The following EBF1 variants were observed in gnomAD, a reference collection of about 807,000 sequenced individuals.
EBF1 encodes transcription factor COE1.
A neutral mutation model predicts 68.4 loss-of-function variants in EBF1; 10 were observed. The ratio of observed to expected loss-of-function variants is 0.15; its 90% CI spans 0.09 to 0.25. EBF1 has a LOEUF of 0.25. EBF1 is among the 10% of genes least tolerant of loss of function. EBF1 has a pLI of 1.00. For missense variants in EBF1, 509 were observed against 794.4 expected (o/e 0.64, Z 4.32); for synonymous variants, 298 against 299.8 (o/e 0.99, Z 0.06).
At chr5:158,836,550 A>C (rs1788848332) in intron 7 of EBF1, among the ~76,000 whole-genome samples, 1 of 152,228 alleles carries the variant, frequency 6.6e-6, no homozygotes, top group African/African-American at 2.4e-5. Context: ...AGAAAAAATA[A>C]AAGGTTGGGT....
At chr5:158,829,283 C>T (rs978939796) in intron 7 of EBF1, among the ~76,000 whole-genome samples, 1 of 151,946 alleles carries the variant, frequency 6.6e-6, no homozygotes, top group Non-Finnish European at 1.5e-5. Flanking sequence ...CTCAACTGGT[C>T]CTCCCACCTC....
intron 10 of EBF1, among the ~76,000 whole-genome samples, chr5:158,746,053 T>C (rs1053577546): frequency 1.3e-5 from 2 of 152,198 alleles, no homozygotes; most frequent in African/African-American, 4.8e-5. Flanking sequence ...AAGTTTTTAT[T>C]ACTACTGCTT....
chr5:158,775,770 ACACATG>A (rs1248583398), intron 10 of EBF1, among the ~76,000 whole-genome samples: 2 of 130,574 alleles, frequency 1.5e-5, no homozygotes, highest in African/African-American at 3.1e-5. Context: ...ACACACACAC[ACACATG>A]CACACAGACA....
intron 6 of EBF1, among the ~76,000 whole-genome samples, chr5:158,847,971 C>T (rs550388419): frequency 1.3e-5 from 2 of 152,222 alleles, no homozygotes; most frequent in Admixed American, 1.3e-4. Context: ...TCAGTAACAG[C>T]GACCCACCCC....
intron 10 of EBF1, among the ~76,000 whole-genome samples, chr5:158,759,170 T>A (rs1291873980): frequency 6.6e-6 from 1 of 152,196 alleles, no homozygotes; most frequent in East Asian, 1.9e-4. Flanking sequence ...AATCTTACTA[T>A]GTGGATAAAG....
intron 6 of EBF1, among the ~76,000 whole-genome samples, chr5:158,907,928 C>A (rs141442751): frequency 6.6e-6 from 1 of 151,886 alleles, no homozygotes; most frequent in East Asian, 1.9e-4. Context: ...GTTAAGTAAT[C>A]GAGAAATTAG....
At chr5:159,052,913 C>T (rs1774067612) in intron 6 of EBF1, among the ~76,000 whole-genome samples, 1 of 152,198 alleles carries the variant, frequency 6.6e-6, no homozygotes, top group South Asian at 2.1e-4. Flanking sequence ...CTGTCTCGGT[C>T]AAATTATGCA....
At chr5:159,031,250 C>A (rs917664794) in intron 6 of EBF1, among the ~76,000 whole-genome samples, 1 of 152,164 alleles carries the variant, frequency 6.6e-6, no homozygotes, top group Non-Finnish European at 1.5e-5. Context: ...GGGGCCTAAA[C>A]AACATTTGGA....
intron 6 of EBF1, among the ~76,000 whole-genome samples, chr5:158,891,950 A>G (rs1713228060): frequency 6.6e-6 from 1 of 152,264 alleles, no homozygotes; most frequent in Non-Finnish European, 1.5e-5. Flanking sequence ...CCATTCACCT[A>G]AGAGCTCCCC....
chr5:158,828,280 G>T (rs1171621460), intron 7 of EBF1, among the ~76,000 whole-genome samples: 1 of 152,174 alleles, frequency 6.6e-6, no homozygotes, highest in Non-Finnish European at 1.5e-5. Flanking sequence ...GGGCTGAATT[G>T]TTCCTCCCCC....
chr5:158,844,152 A>G (rs1049886982), intron 6 of EBF1, among the ~76,000 whole-genome samples: 8 of 150,050 alleles, frequency 5.3e-5, no homozygotes, highest in African/African-American at 2.0e-4. Context: ...TCCAGGAAAC[A>G]GCCTGACCAG....
chr5:158,960,004 G>T (rs1165795040), intron 6 of EBF1, among the ~76,000 whole-genome samples: 2 of 152,084 alleles, frequency 1.3e-5, no homozygotes, highest in African/African-American at 2.4e-5. Context: ...CATTGTCCCT[G>T]GAGCTCCAGT....
chr5:158,847,576 G>A (rs11741746), intron 6 of EBF1, among the ~76,000 whole-genome samples: 23,492 of 152,216 alleles, frequency 0.15, 1,882 homozygotes, highest in Non-Finnish European at 0.18. Flanking sequence ...GTGTGGTAGA[G>A]AAGATGTTTA....
chr5:159,090,035 T>G (rs960381247), intron 4 of EBF1, among the ~76,000 whole-genome samples: 1 of 151,980 alleles, frequency 6.6e-6, no homozygotes, highest in Non-Finnish European at 1.5e-5. Flanking sequence ...CAAACCTACT[T>G]TGTCACCTAA....
chr5:159,029,957 T>TAAA (rs541130625), intron 6 of EBF1, among the ~76,000 whole-genome samples: 9 of 132,628 alleles, frequency 6.8e-5, no homozygotes, highest in African/African-American at 2.4e-4. Context: ...AAACTCCTTC[T>TAAA]AAAAAAAAAA....
intron 6 of EBF1, among the ~76,000 whole-genome samples, chr5:158,999,459 G>A (rs1465383195): frequency 6.6e-5 from 10 of 152,220 alleles, no homozygotes; most frequent in South Asian, 4.1e-4. Flanking sequence ...GCGGGAACAT[G>A]AGATGTTTTC....
chr5:158,902,828 A>T (rs1008185845), intron 6 of EBF1, among the ~76,000 whole-genome samples: 1 of 152,096 alleles, frequency 6.6e-6, no homozygotes, highest in Admixed American at 6.5e-5. Context: ...GATAGAAAAG[A>T]GCAGGCAAGG....
intron 10 of EBF1, among the ~76,000 whole-genome samples, chr5:158,739,881 AC>A (rs1765942636): frequency 6.6e-6 from 1 of 152,046 alleles, no homozygotes; most frequent in Non-Finnish European, 1.5e-5. Flanking sequence ...TACTTTTATC[AC>A]CCCGTGTGTG....
At chr5:158,914,891 C>T (rs1019169435) in intron 6 of EBF1, among the ~76,000 whole-genome samples, 3 of 152,096 alleles carry the variant, frequency 2.0e-5, no homozygotes, top group African/African-American at 4.8e-5. Flanking sequence ...ACTTAATGGA[C>T]GACCCTCTCC....
Sources: gnomAD v4.1 joint callset for allele counts (sites outside exome capture counted in the v4.1 genomes callset) on GRCh38, gnomAD v4.1.1 for gene constraint, MANE v1.5 for transcripts, NCBI Gene and HGNC (gene_info 2026-07-23, HGNC 2026-07-21) for gene names.